ASL: variants seen among roughly 807,000 people sequenced by gnomAD.
ASL encodes argininosuccinase.
Under a neutral mutation model 69.1 loss-of-function variants are expected in ASL, and 51 were observed. The ratio of observed to expected loss-of-function variants is 0.74; its 90% CI spans 0.59 to 0.93. ASL has a LOEUF of 0.93. ASL is among the 40% of genes least tolerant of loss of function. The probability of loss-of-function intolerance (pLI) is 0.00; values close to 1 mark genes in which losing one functional copy is unlikely to be tolerated. For synonymous variants in ASL, 241 were observed against 247.6 expected, an observed-to-expected ratio of 0.97 and a Z score of 0.25; for missense variants, 540 against 623.9, an observed-to-expected ratio of 0.87 and a Z score of 1.43.
Position 66,087,392 on chromosome 7 carries a change from A to C in ASL, c.655+6A>C, listed in dbSNP as rs751621800. On this transcript the variant is annotated splice_donor_region_variant and intron_variant, in intron 9 of 16. Transcript: ENST00000304874. ...CCGAGAGCTGCTCCGAGCAGGTGAGACGTCCTGCCCCTCCTCCCCAGGGAG... is the reference window on the plus strand; with the variant it reads ...CCGAGAGCTGCTCCGAGCAGGTGAGCCGTCCTGCCCCTCCTCCCCAGGGAG... The C allele has an allele frequency of 6.2e-7, 1 of 1,606,910 alleles. No individual in the cohort carries two copies. Among genetic ancestry groups the C allele is most frequent in the South Asian group, 1.1e-5 (1 of 91,056 alleles).
At chr7:66,092,180 G>T in intron 15 of ASL, 94 bp downstream of exon 15, 3 of 1,449,178 alleles carry the variant, frequency 2.1e-6, no homozygotes, top group East Asian at 2.3e-5. Context: ...GGCCCAGCCT[G>T]GTGGCTCACC....
At chr7:66,080,925 G>T (rs1684659704) in intron 2 of ASL, among the ~76,000 whole-genome samples, 1 of 152,164 alleles carries the variant, frequency 6.6e-6, no homozygotes, top group African/African-American at 2.4e-5. Context: ...GGGCACTTAA[G>T]CTTGGTGGAG....
Position 66,091,985 on chromosome 7 carries a change from C to T in ASL, c.1063-21C>T, listed in dbSNP as rs28566023. 7.4e-3 allele frequency: 11,922 copies of T among 1,612,754 alleles called. 751 individuals are homozygous for T. In the African/African-American group the frequency reaches 0.14, roughly 18 times the overall value. ...ATCCCAGGGTCCCCAGGGCTCACCA[C>T]TCGCCCACCTGTGCCCCCAGATTCA... On this transcript the variant is annotated intron_variant, in intron 14 of 16. Coordinates refer to ENST00000304874, the MANE Select transcript of ASL (RefSeq NM_000048.4).
intron 10 of ASL, 144 bp from the exon 11 acceptor site, chr7:66,088,663 C>A: frequency 1.4e-6 from 1 of 729,946 alleles, no homozygotes; most frequent in Admixed American, 2.0e-5. Context: ...TTCAGAACAG[C>A]TTGGGCGACA....
At position 66,089,606 on chromosome 7, in the gene ASL, T is replaced by C. The variant is rs1584032729; in HGVS notation, c.979-6T>C. ...AGGCCCTCACCTCCTGCCATGTGCC[T>C]CCCAGGAGGACAAGGAAGCTGTGTT... On this transcript the variant is annotated splice_region_variant and splice_polypyrimidine_tract_variant and intron_variant, in intron 13 of 16. Transcript: ENST00000304874. The C allele has an allele frequency of 1.2e-6, 2 of 1,613,544 alleles. No homozygotes were observed. The highest frequency in any genetic ancestry group is 8.5e-7 in the Non-Finnish European group (1 of 1,179,966).
intron 2 of ASL, among the ~76,000 whole-genome samples, chr7:66,077,186 T>G (rs375138548): frequency 6.6e-4 from 101 of 152,306 alleles, no homozygotes; most frequent in Admixed American, 2.2e-3. Flanking sequence ...ATTTCTACTT[T>G]GGGAGGCCGA....
intron 8 of ASL, 128 bp from the exon 9 acceptor site, chr7:66,087,206 C>T: frequency 8.7e-7 from 1 of 1,153,286 alleles, no homozygotes; most frequent in Admixed American, 1.8e-5. Context: ...CAGGTGGTTG[C>T]CCTGGCAACC....
At chr7:66,089,253 C>T (rs757313920) in intron 12 of ASL, 23 bp from the exon 13 acceptor site, 2 of 1,611,118 alleles carry the variant, frequency 1.2e-6, no homozygotes, top group South Asian at 1.1e-5. Flanking sequence ...GGGTCCAGCC[C>T]CTGTGCCTCC....
At chr7:66,089,886 A>T (rs1786794733) in intron 14 of ASL, among the ~76,000 whole-genome samples, 191 bp downstream of exon 14, 1 of 152,134 alleles carries the variant, frequency 6.6e-6, no homozygotes, top group Admixed American at 6.6e-5. Context: ...GAAGTAGATG[A>T]GACTCAGGGG....
chr7:66,082,795 G>T (rs1283907698), intron 4 of ASL, 85 bp from the exon 5 acceptor site: 1 of 1,546,078 alleles, frequency 6.5e-7, no homozygotes, highest in Non-Finnish European at 8.9e-7. Context: ...AGGTAGGTTG[G>T]CAGGGCTGAT....
At chr7:66,079,739 C>A (rs975887866) in intron 2 of ASL, among the ~76,000 whole-genome samples, 2 of 152,132 alleles carry the variant, frequency 1.3e-5, no homozygotes, top group African/African-American at 4.8e-5. Flanking sequence ...CCTGCCTCAG[C>A]CTCCTAAGTA....
Position 66,087,314 on chromosome 7 carries a change from A to G in ASL, c.603-20A>G, listed in dbSNP as rs376008291. 61 of 1,601,156 alleles carry G rather than the reference A, an allele frequency of 3.8e-5. No homozygotes were observed. The highest frequency in any genetic ancestry group is 1.3e-4 in the African/African-American group (10 of 74,530). The stretch of plus-strand genomic sequence containing the variant: ...CTGCCTGCCAGGAGCCCTGGTCACC[A>G]TGAATCCCTGTCCCTGCAGTGGGGC... On this transcript the variant is annotated intron_variant, in intron 8 of 16. Coordinates refer to ENST00000304874, the MANE Select transcript of ASL (RefSeq NM_000048.4).
intron 6 of ASL, among the ~76,000 whole-genome samples, chr7:66,084,599 C>T (rs993801369): frequency 6.6e-6 from 1 of 152,084 alleles, no homozygotes; most frequent in African/African-American, 2.4e-5. Flanking sequence ...CCCACCTCAG[C>T]TTTCTGAGTA....
chr7:66,088,426 A>G (rs1020823742), intron 10 of ASL, among the ~76,000 whole-genome samples: 3 of 152,164 alleles, frequency 2.0e-5, no homozygotes, highest in Non-Finnish European at 2.9e-5. Flanking sequence ...GGTTGCAGTG[A>G]GCCAAGATTG....
At position 66,092,992 on chromosome 7, in the gene ASL, G is replaced by T. The variant is rs1010784155; in HGVS notation, c.*80G>T. The T allele has an allele frequency of 1.3e-6, 2 of 1,537,670 alleles. No individual in the cohort carries two copies. Among genetic ancestry groups the T allele is most frequent in the Non-Finnish European group, 8.7e-7 (1 of 1,148,434 alleles). On this transcript the variant is annotated 3_prime_UTR_variant, in exon 17 of 17. Transcript: ENST00000304874. ...TTTCCTGCCCCAGCCTGGCTCCCTCGTTGCTGGGCTTTCGGGGCTGGCCAG... is the reference window on the plus strand; with the variant it reads ...TTTCCTGCCCCAGCCTGGCTCCCTCTTTGCTGGGCTTTCGGGGCTGGCCAG...
In ASL at chr7:66,075,856, G is replaced by A. The variant is rs1786329159; in HGVS notation, c.-44G>A. 1 of 561,850 alleles carries A rather than the reference G, an allele frequency of 1.8e-6. No homozygotes were observed. The highest frequency in any genetic ancestry group is 2.1e-5 in the South Asian group (1 of 46,738). The allele number at this position is 561,850 out of a possible 1,614,324, so 34.8% of individuals were successfully genotyped here. On this transcript the variant is annotated splice_region_variant and 5_prime_UTR_variant, in exon 1 of 17. Transcript: ENST00000304874. ...GACACTATCCGTGCGGCCAGGCGGA[G>A]GTGAGTGCGCGGCGGCCGGATGGGC...
rs750184740 is a variant in ASL, at chr7:66,092,645, A to C, written c.1232A>C (p.Gln411Pro). 1.1e-5 allele frequency: 17 copies of C among 1,613,714 alleles called. No individual in the cohort carries two copies. Among genetic ancestry groups the C allele is most frequent in the Non-Finnish European group, 1.4e-5 (17 of 1,179,980 alleles). The change falls in exon 16 of 17, where the codon CAG (glutamine) becomes CCG (proline). Residue 411 changes from glutamine to proline, a missense_variant. Gln to Pro is a moderately conservative substitution (Grantham distance 76). Transcript: ENST00000304874. The part of the protein sequence containing the change: ...KGVALNQLSL[Q>P]ELQTISPLFS... ...GTCGCCCTCAACCAGCTGTCACTGC[A>C]GGAGCTGCAGACCATCAGGTACGGC...
intron 6 of ASL, among the ~76,000 whole-genome samples, chr7:66,083,553 G>A (rs1283680928): frequency 6.6e-6 from 1 of 151,978 alleles, no homozygotes; most frequent in Non-Finnish European, 1.5e-5. Flanking sequence ...ATGTGGTGGT[G>A]TGCGCCTGTA....
At chr7:66,082,843 G>A (rs573525807) in intron 4 of ASL, 37 bp from the exon 5 acceptor site, 4 of 1,612,538 alleles carry the variant, frequency 2.5e-6, no homozygotes, top group Non-Finnish European at 1.7e-6. Flanking sequence ...TCCTCTGGGG[G>A]TATAGACCGT....
Sources: gnomAD v4.1 joint callset for allele counts (sites outside exome capture counted in the v4.1 genomes callset) on GRCh38, gnomAD v4.1.1 for gene constraint, MANE v1.5 for transcripts, NCBI Gene and HGNC (gene_info 2026-07-23, HGNC 2026-07-21) for gene names.